Variants in SGPP1 observed in about 807,000 individuals in gnomAD.
SGPP1 encodes the protein sphingosine-1-phosphate phosphatase 1.
Under a neutral mutation model 33.0 loss-of-function variants are expected in SGPP1, and 21 were observed. That is an observed-to-expected ratio of 0.64 (90% CI 0.45 to 0.92). The LOEUF (loss-of-function observed/expected upper bound fraction) is 0.92, where lower values mean the gene tolerates loss of function less well. Ranked by LOEUF, SGPP1 falls within the 40% of genes least tolerant of loss-of-function variation. The pLI, the probability that SGPP1 is intolerant of heterozygous loss-of-function variation, is 0.00. For missense variants in SGPP1, 543 were observed against 589.4 expected (o/e 0.92, Z 0.81); for synonymous variants, 239 against 241.2 (o/e 0.99, Z 0.08).
intron 2 of SGPP1, among the ~76,000 whole-genome samples, chr14:63,691,481 A>C (rs868355932): frequency 5.9e-5 from 9 of 152,136 alleles, no homozygotes; most frequent in African/African-American, 2.2e-4. Flanking sequence ...CCTCCTCCAT[A>C]AACTTTCTTC....
At chr14:63,724,725 G>A (rs777359993) in intron 1 of SGPP1, among the ~76,000 whole-genome samples, 1 of 151,226 alleles carries the variant, frequency 6.6e-6, no homozygotes, top group Non-Finnish European at 1.5e-5. Flanking sequence ...AGGCCGATGA[G>A]CGGGGGGCGG....
intron 1 of SGPP1, among the ~76,000 whole-genome samples, chr14:63,710,967 T>C (rs572936475): frequency 3.3e-5 from 5 of 152,238 alleles, no homozygotes; most frequent in African/African-American, 1.2e-4. Flanking sequence ...ATAAAAACTA[T>C]TTCATAGGAA....
chr14:63,727,200 C>A, intron 1 of SGPP1, 61 bp downstream of exon 1: 1 of 1,513,504 alleles, frequency 6.6e-7, no homozygotes, highest in Non-Finnish European at 8.8e-7. Context: ...ATGCAGAGAG[C>A]AAAGAGAACT....
At position 63,686,048 on chromosome 14, in the gene SGPP1, A is replaced by T; in HGVS notation, c.*57T>A. 1 of 1,053,976 alleles carries T rather than the reference A, an allele frequency of 9.5e-7. No homozygotes were observed. The highest frequency in any genetic ancestry group is 1.3e-6 in the Non-Finnish European group (1 of 746,208). The allele number at this position is 1,053,976 out of a possible 1,614,324, so 65.3% of individuals were successfully genotyped here. On this transcript the variant is annotated 3_prime_UTR_variant, in exon 3 of 3. Coordinates refer to ENST00000247225, the MANE Select transcript of SGPP1 (RefSeq NM_030791.4). ...TCTGACCTGGCTTTACCTGGAATAT[A>T]TTTTTGGGTATCAGTAACTGATACC...
chr14:63,689,927 T>C (rs950868896), intron 2 of SGPP1, among the ~76,000 whole-genome samples: 1 of 152,252 alleles, frequency 6.6e-6, no homozygotes, highest in Non-Finnish European at 1.5e-5. Flanking sequence ...TAGTTATCGG[T>C]CATTCACTTT....
chr14:63,722,273 C>T (rs998080798), intron 1 of SGPP1, among the ~76,000 whole-genome samples: 1 of 151,396 alleles, frequency 6.6e-6, no homozygotes. Context: ...GCCTGTAATC[C>T]CAACACTTTA....
At chr14:63,727,057 T>G (rs372328246) in intron 1 of SGPP1, among the ~76,000 whole-genome samples, 3 of 152,276 alleles carry the variant, frequency 2.0e-5, no homozygotes, top group Admixed American at 6.5e-5. Flanking sequence ...AATATTAAAA[T>G]AGAATTCAAC....
At chr14:63,705,024 G>A (rs528505461) in intron 1 of SGPP1, among the ~76,000 whole-genome samples, 2 of 152,118 alleles carry the variant, frequency 1.3e-5, no homozygotes, top group Admixed American at 1.3e-4. Flanking sequence ...CTACTTGGGA[G>A]GCTGAGGTGG....
At chr14:63,700,733 C>A (rs898872606) in intron 1 of SGPP1, among the ~76,000 whole-genome samples, 6 of 152,090 alleles carry the variant, frequency 3.9e-5, no homozygotes, top group African/African-American at 9.7e-5. Context: ...ATTAATATTC[C>A]TTGTGCTCCT....
rs751762148 is a variant in SGPP1, at chr14:63,727,908, G to A, written c.37C>T (p.Arg13Cys). The A allele has an allele frequency of 2.6e-6, 4 of 1,543,088 alleles. No individual in the cohort carries two copies. The highest frequency in any genetic ancestry group is 2.3e-5 in the South Asian group (2 of 85,236). Residue 13 changes from arginine (R) to cysteine (C), a missense_variant, in exon 1 of 3, where the codon CGT becomes TGT. Physicochemically the swap from Arg to Cys is radical, Grantham distance 180. Transcript: ENST00000247225. ...LRQRLAQLVG[R>C]LQDPQKVARF... ...GCCACTTTCTGCGGGTCCTGCAGAC[G>A]GCCAACCAGCTGGGCCAGGCGCTGC...
intron 2 of SGPP1, among the ~76,000 whole-genome samples, chr14:63,686,984 G>T (rs1161864604): frequency 6.6e-6 from 1 of 152,106 alleles, no homozygotes; most frequent in Non-Finnish European, 1.5e-5. Flanking sequence ...ATTATTCAAA[G>T]AAATGGTTTT....
intron 1 of SGPP1, among the ~76,000 whole-genome samples, chr14:63,724,461 C>A (rs1885834348): frequency 6.6e-6 from 1 of 151,870 alleles, no homozygotes; most frequent in African/African-American, 2.4e-5. Flanking sequence ...TAGAAAAACA[C>A]CAGGCTTTCA....
chr14:63,686,755 T>A, intron 2 of SGPP1, 99 bp from the exon 3 acceptor site: 1 of 862,820 alleles, frequency 1.2e-6, no homozygotes, highest in Non-Finnish European at 1.7e-6. Flanking sequence ...TGAATATACA[T>A]AAATTTTTTA....
chr14:63,697,625 A>C (rs1412385561), intron 2 of SGPP1, among the ~76,000 whole-genome samples: 2 of 152,226 alleles, frequency 1.3e-5, no homozygotes, highest in Non-Finnish European at 2.9e-5. Flanking sequence ...ATTGCAATTT[A>C]GGATAAGTGG....
Position 63,685,652 on chromosome 14 carries a change from T to A in SGPP1, c.*453A>T, listed in dbSNP as rs1307748100. 1.3e-5 allele frequency: 2 copies of A among 152,048 alleles called. No homozygotes were observed. The highest frequency in any genetic ancestry group is 2.9e-5 in the Non-Finnish European group (2 of 67,890). The allele number at this position is 152,048 out of a possible 1,614,324, so 9.4% of individuals were successfully genotyped here. A position where few individuals can be genotyped will look rare whatever the true frequency, so the allele number is the denominator to read the frequency against. Reference sequence around the variant, plus strand: ...GCTCCCATAGTAAATAAATGTTAAATATATCTGTTAATAACAACATACCTG... The same window carrying A: ...GCTCCCATAGTAAATAAATGTTAAAAATATCTGTTAATAACAACATACCTG... On this transcript the variant is annotated 3_prime_UTR_variant, in exon 3 of 3. Transcript: ENST00000247225.
At chr14:63,706,541 T>C (rs929980513) in intron 1 of SGPP1, among the ~76,000 whole-genome samples, 1 of 152,228 alleles carries the variant, frequency 6.6e-6, no homozygotes, top group Admixed American at 6.5e-5. Flanking sequence ...CCTGCCTGTA[T>C]TACTATAATA....
At chr14:63,687,761 C>T (rs961935608) in intron 2 of SGPP1, among the ~76,000 whole-genome samples, 2 of 152,060 alleles carry the variant, frequency 1.3e-5, no homozygotes, top group African/African-American at 2.4e-5. Context: ...AACACTTTGT[C>T]GAAACTGCTT....
In SGPP1 at chr14:63,684,592, T is replaced by C. The variant is rs1156924434; in HGVS notation, c.*1513A>G. ...ATAAAAATATGAGCTCAAATAGTTA[T>C]GGTGCCCAAAATAGAAACATCTGAA... On this transcript the variant is annotated 3_prime_UTR_variant, in exon 3 of 3. Transcript: ENST00000247225. 6.6e-6 allele frequency: 1 copy of C among 152,512 alleles called. No homozygotes were observed. The highest frequency in any genetic ancestry group is 1.9e-4 in the East Asian group (1 of 5,204). 9.4% of individuals were successfully genotyped at this position (152,512 alleles called of 1,614,324 possible). A position where few individuals can be genotyped will look rare whatever the true frequency, so the allele number is the denominator to read the frequency against.
chr14:63,694,876 G>A (rs1885156864), intron 2 of SGPP1, among the ~76,000 whole-genome samples: 1 of 151,926 alleles, frequency 6.6e-6, no homozygotes, highest in Non-Finnish European at 1.5e-5. Context: ...GAATACTCCA[G>A]GTTATCGTCA....
Sources: gnomAD v4.1 joint callset for allele counts (sites outside exome capture counted in the v4.1 genomes callset) on GRCh38, gnomAD v4.1.1 for gene constraint, MANE v1.5 for transcripts, NCBI Gene and HGNC (gene_info 2026-07-23, HGNC 2026-07-21) for gene names.